Variants in PPP2R3A observed in about 807,000 individuals in gnomAD.
PPP2R3A encodes protein phosphatase 2 regulatory subunit B''alpha, also known as serine/threonine-protein phosphatase 2A regulatory subunit B'' subunit alpha.
PPP2R3A carries 80 observed loss-of-function variants against 106.9 expected under a neutral mutation model. The ratio of observed to expected loss-of-function variants is 0.75; its 90% CI spans 0.62 to 0.90. The LOEUF (loss-of-function observed/expected upper bound fraction) is 0.90, where lower values mean the gene tolerates loss of function less well. Among genes scored for constraint, PPP2R3A ranks in the 40% least tolerant of loss-of-function variants. The pLI is 0.00. For synonymous variants in PPP2R3A, 483 were observed against 468.3 expected, an observed-to-expected ratio of 1.03 and a Z score of -0.41; for missense variants, 1,386 against 1,350.4, an observed-to-expected ratio of 1.03 and a Z score of -0.41.
intron 2 of PPP2R3A, among the ~76,000 whole-genome samples, chr3:136,009,336 A>G (rs1002827276): frequency 3.3e-5 from 5 of 152,036 alleles, no homozygotes; most frequent in Non-Finnish European, 7.4e-5. Flanking sequence ...AACTAATACC[A>G]TTAGACTCTG....
intron 8 of PPP2R3A, chr3:136,087,664 A>G (rs1330016028): frequency 2.5e-6 from 1 of 407,622 alleles, no homozygotes; most frequent in African/African-American, 2.0e-5. Flanking sequence ...TTAGCATTCA[A>G]CTATATTAAT....
chr3:136,072,371 T>C (rs1936465463), intron 6 of PPP2R3A, among the ~76,000 whole-genome samples: 1 of 152,130 alleles, frequency 6.6e-6, no homozygotes, highest in Non-Finnish European at 1.5e-5. Context: ...GCAGACAGAT[T>C]ACTTGAGGCG....
intron 13 of PPP2R3A, among the ~76,000 whole-genome samples, chr3:136,137,597 A>G (rs1182670179): frequency 1.7e-5 from 2 of 119,396 alleles, no homozygotes; most frequent in Admixed American, 2.3e-4. Flanking sequence ...GCTGGAGTGC[A>G]GTAGCGCGAT....
rs1936392912 is a variant in PPP2R3A, at chr3:136,070,481, G to A, written c.2473G>A (p.Val825Met). The A allele has an allele frequency of 1.3e-6, 2 of 1,598,802 alleles. No homozygotes were observed. The highest frequency in any genetic ancestry group is 1.7e-6 in the Non-Finnish European group (2 of 1,174,820). The change falls in exon 6 of 14, where the codon GTG (valine) becomes ATG (methionine). Residue 825 changes from valine to methionine, a missense_variant. Physicochemically the swap from Val to Met is conservative, Grantham distance 21. Transcript: ENST00000264977. The stretch of plus-strand genomic sequence containing the variant: ...TTTTGGTTTTGATCTTTTTCAGGAT[G>A]TGGTGGATACCCACCCTGGTCTCAC... The part of the protein sequence containing the change: ...QEDFIPLLQD[V>M]VDTHPGLTFL...
intron 10 of PPP2R3A, among the ~76,000 whole-genome samples, chr3:136,096,232 T>C (rs1014152215): frequency 6.6e-6 from 1 of 152,190 alleles, no homozygotes; most frequent in African/African-American, 2.4e-5. Flanking sequence ...GGACTGTCTA[T>C]AGAATGAAAA....
chr3:136,071,122 C>T (rs1313557294), intron 6 of PPP2R3A, among the ~76,000 whole-genome samples: 1 of 152,234 alleles, frequency 6.6e-6, no homozygotes, highest in African/African-American at 2.4e-5. Flanking sequence ...ACGGAGTAGC[C>T]ATTTCATGCA....
intron 13 of PPP2R3A, among the ~76,000 whole-genome samples, chr3:136,142,504 T>C (rs1188013759): frequency 6.6e-6 from 1 of 152,180 alleles, no homozygotes; most frequent in Non-Finnish European, 1.5e-5. Context: ...CAAAAATGTA[T>C]AATCCCTCCC....
At chr3:136,003,526 CTT>C (rs1933731521) in intron 2 of PPP2R3A, 33 bp downstream of exon 2, 1 of 1,509,578 alleles carries the variant, frequency 6.6e-7, no homozygotes, top group Non-Finnish European at 8.9e-7. Context: ...CCTAGGAACT[CTT>C]TAAAAAATGT....
At chr3:135,972,467 G>A (rs957000742) in intron 1 of PPP2R3A, among the ~76,000 whole-genome samples, 33 of 152,054 alleles carry the variant, frequency 2.2e-4, no homozygotes, top group African/African-American at 7.7e-4. Context: ...CAATTCTTTT[G>A]TGCATGTATC....
At chr3:136,128,148 A>G (rs1322287983) in intron 13 of PPP2R3A, among the ~76,000 whole-genome samples, 3 of 152,198 alleles carry the variant, frequency 2.0e-5, no homozygotes, top group Admixed American at 2.0e-4. Flanking sequence ...GACAGGATCA[A>G]ATTCACACAT....
chr3:135,980,307 G>C (rs1937523935), intron 1 of PPP2R3A, among the ~76,000 whole-genome samples: 1 of 151,690 alleles, frequency 6.6e-6, no homozygotes, highest in Non-Finnish European at 1.5e-5. Context: ...GAACAAGGCA[G>C]GTCTCTAAGA....
intron 1 of PPP2R3A, among the ~76,000 whole-genome samples, chr3:135,992,226 G>T (rs1400165449): frequency 1.3e-5 from 2 of 152,084 alleles, no homozygotes; most frequent in Non-Finnish European, 2.9e-5. Flanking sequence ...GATTGCCTAT[G>T]TTTTCCAGGC....
At chr3:135,997,389 T>C (rs1047596451) in intron 1 of PPP2R3A, among the ~76,000 whole-genome samples, 1 of 152,166 alleles carries the variant, frequency 6.6e-6, no homozygotes, top group African/African-American at 2.4e-5. Context: ...GTTATCTTTT[T>C]CTCTTTCTTC....
At chr3:135,991,003 T>C (rs557582287) in intron 1 of PPP2R3A, among the ~76,000 whole-genome samples, 8 of 152,274 alleles carry the variant, frequency 5.3e-5, no homozygotes, top group Non-Finnish European at 1.0e-4. Flanking sequence ...AAGTTCCTGC[T>C]AGCTCCCACA....
intron 13 of PPP2R3A, among the ~76,000 whole-genome samples, chr3:136,134,944 C>A (rs1196944971): frequency 6.6e-6 from 1 of 151,634 alleles, no homozygotes; most frequent in Non-Finnish European, 1.5e-5. Context: ...TGTTTTATAA[C>A]CTGCTTTAAA....
chr3:136,058,454 T>G (rs1460989454), intron 5 of PPP2R3A, among the ~76,000 whole-genome samples: 4 of 151,956 alleles, frequency 2.6e-5, no homozygotes, highest in Non-Finnish European at 5.9e-5. Context: ...AATAGCTAAC[T>G]AGGGAGGTGA....
rs1393408294 is a variant in PPP2R3A, at chr3:136,049,295, C to G, written c.2403C>G (p.Phe801Leu). The change falls in exon 5 of 14, where the codon TTC becomes TTG. Residue 801 changes from phenylalanine (F) to leucine (L), a missense_variant. By Grantham distance (22) the Phe-to-Leu change is conservative (BLOSUM62 0). Coordinates refer to ENST00000264977, the MANE Select transcript of PPP2R3A (RefSeq NM_002718.5). ...ACCATCATGATGATGCCTCTAAATT[C>G]ATCTGTCTTCTAGCAAAGCCCAACT... ...LNNHHDDASK[F>L]ICLLAKPNCS... 6.2e-7 allele frequency: 1 copy of G among 1,613,656 alleles called. No homozygotes were observed. The highest frequency in any genetic ancestry group is 8.5e-7 in the Non-Finnish European group (1 of 1,179,758).
chr3:136,030,227 T>G (rs1318468400), intron 3 of PPP2R3A, among the ~76,000 whole-genome samples: 2 of 122,856 alleles, frequency 1.6e-5, no homozygotes, highest in East Asian at 4.2e-4. Context: ...CAATAAAAAG[T>G]TGGGGCGGGG....
intron 13 of PPP2R3A, among the ~76,000 whole-genome samples, chr3:136,124,225 C>G (rs116532121): frequency 6.6e-6 from 1 of 152,110 alleles, no homozygotes; most frequent in Admixed American, 6.5e-5. Flanking sequence ...CACAGTGGCT[C>G]ATGCCAGTAA....
Sources: allele counts gnomAD v4.1 joint callset (sites outside exome capture counted in the v4.1 genomes callset), GRCh38; gene constraint gnomAD v4.1.1; transcripts MANE v1.5; gene names NCBI Gene and HGNC (gene_info 2026-07-23, HGNC 2026-07-21).